The following LRRTM3 variants were observed in gnomAD, a reference collection of about 807,000 sequenced individuals.
LRRTM3 encodes the protein leucine-rich repeat transmembrane neuronal protein 3.
LRRTM3 carries 24 observed loss-of-function variants against 44.7 expected under a neutral mutation model. That is an observed-to-expected ratio of 0.54 (90% CI 0.39 to 0.76). The LOEUF (loss-of-function observed/expected upper bound fraction) is 0.76, where lower values mean the gene tolerates loss of function less well. Ranked by LOEUF, LRRTM3 falls within the 30% of genes least tolerant of loss-of-function variation. The pLI is 0.00. For synonymous variants in LRRTM3, 277 were observed against 278.7 expected (o/e 0.99, Z 0.06); for missense variants, 587 against 702.2 (o/e 0.84, Z 1.85).
At chr10:67,082,961 A>G (rs1026890487) in intron 2 of LRRTM3, among the ~76,000 whole-genome samples, 2 of 152,120 alleles carry the variant, frequency 1.3e-5, no homozygotes, top group African/African-American at 4.8e-5. Context: ...CATTAACTGG[A>G]TTGCTGAACC....
At chr10:67,082,766 T>C (rs1156732215) in intron 2 of LRRTM3, among the ~76,000 whole-genome samples, 1 of 152,164 alleles carries the variant, frequency 6.6e-6, no homozygotes, top group Non-Finnish European at 1.5e-5. Flanking sequence ...TTTCTGAATA[T>C]GAGTGTTAAA....
chr10:66,934,911 TAGTC>T (rs1285413640), intron 2 of LRRTM3, among the ~76,000 whole-genome samples: 5 of 152,228 alleles, frequency 3.3e-5, no homozygotes, highest in Admixed American at 6.5e-5. Context: ...TGTAAATCCT[TAGTC>T]AGCATTCTTG....
intron 2 of LRRTM3, among the ~76,000 whole-genome samples, chr10:67,077,445 A>G (rs1282882484): frequency 6.6e-6 from 1 of 151,788 alleles, no homozygotes; most frequent in East Asian, 1.9e-4. Context: ...CCACTCCCCC[A>G]TCCTGCCATA....
chr10:66,973,986 G>A (rs761266826), intron 2 of LRRTM3, among the ~76,000 whole-genome samples: 17 of 151,942 alleles, frequency 1.1e-4, no homozygotes, highest in Non-Finnish European at 1.8e-4. Flanking sequence ...TAAAGTATAC[G>A]GTTTAATAGG....
At chr10:67,077,687 T>C (rs1468455883) in intron 2 of LRRTM3, among the ~76,000 whole-genome samples, 1 of 152,184 alleles carries the variant, frequency 6.6e-6, no homozygotes, top group African/African-American at 2.4e-5. Flanking sequence ...TAATCTTATA[T>C]TTGTATAACT....
intron 2 of LRRTM3, among the ~76,000 whole-genome samples, chr10:66,971,198 C>T (rs1469324791): frequency 1.3e-5 from 2 of 152,042 alleles, no homozygotes; most frequent in African/African-American, 4.8e-5. Flanking sequence ...GAGACCGAGG[C>T]AGGCAGATCA....
intron 2 of LRRTM3, among the ~76,000 whole-genome samples, chr10:67,032,055 A>G (rs1853759112): frequency 6.6e-6 from 1 of 152,172 alleles, no homozygotes; most frequent in Non-Finnish European, 1.5e-5. Context: ...TTCCAGTAAA[A>G]TGAGGTAGGT....
chr10:66,976,318 C>A (rs1850028500), intron 2 of LRRTM3, among the ~76,000 whole-genome samples: 1 of 152,042 alleles, frequency 6.6e-6, no homozygotes, highest in Admixed American at 6.6e-5. Context: ...TCAGCTGAGA[C>A]CTGAAATTAA....
chr10:67,001,452 G>A (rs10997478), intron 2 of LRRTM3, among the ~76,000 whole-genome samples: 1 of 151,768 alleles, frequency 6.6e-6, no homozygotes, highest in Admixed American at 6.6e-5. Context: ...AGACAGGGGT[G>A]GGGGACAGAA....
chr10:66,987,725 T>C (rs1464388872), intron 2 of LRRTM3, among the ~76,000 whole-genome samples: 4 of 152,208 alleles, frequency 2.6e-5, no homozygotes, highest in Admixed American at 6.6e-5. Context: ...TAAGGTAAGA[T>C]GCTGGCAAAA....
chr10:67,066,845 T>C (rs1257589445), intron 2 of LRRTM3, among the ~76,000 whole-genome samples: 1 of 152,246 alleles, frequency 6.6e-6, no homozygotes, highest in Admixed American at 6.5e-5. Flanking sequence ...AGTGATGTTA[T>C]ATTAAAAATC....
intron 2 of LRRTM3, among the ~76,000 whole-genome samples, chr10:66,952,128 C>T (rs954089206): frequency 6.6e-5 from 10 of 152,148 alleles, no homozygotes; most frequent in Non-Finnish European, 1.3e-4. Flanking sequence ...AAGCATAAGA[C>T]AGGTGCAGAA....
chr10:67,042,600 G>A (rs1187167456), intron 2 of LRRTM3, among the ~76,000 whole-genome samples: 2 of 151,960 alleles, frequency 1.3e-5, no homozygotes, highest in African/African-American at 2.4e-5. Flanking sequence ...AGTACTGTCA[G>A]AAGCTAGGAG....
At chr10:66,940,535 G>A (rs946643889) in intron 2 of LRRTM3, among the ~76,000 whole-genome samples, 7 of 152,162 alleles carry the variant, frequency 4.6e-5, no homozygotes, top group Non-Finnish European at 7.3e-5. Context: ...AAGAAGTCCA[G>A]TGGTTAACTA....
intron 2 of LRRTM3, among the ~76,000 whole-genome samples, chr10:67,067,726 A>G (rs985739338): frequency 3.9e-5 from 6 of 152,234 alleles, no homozygotes; most frequent in African/African-American, 1.2e-4. Context: ...GACTAAGCTC[A>G]ATTATCCTAT....
At chr10:67,053,077 C>T (rs1388614245) in intron 2 of LRRTM3, among the ~76,000 whole-genome samples, 1 of 152,142 alleles carries the variant, frequency 6.6e-6, no homozygotes, top group Non-Finnish European at 1.5e-5. Flanking sequence ...ATACCATCCC[C>T]TAAAACATGA....
chr10:67,045,635 C>T (rs1854687600), intron 2 of LRRTM3, among the ~76,000 whole-genome samples: 1 of 152,206 alleles, frequency 6.6e-6, no homozygotes, highest in Admixed American at 6.5e-5. Context: ...CCCCGTTTCC[C>T]AGGACTAGGG....
chr10:67,023,670 T>C (rs543272772), intron 2 of LRRTM3, among the ~76,000 whole-genome samples: 14 of 152,252 alleles, frequency 9.2e-5, no homozygotes, highest in African/African-American at 2.4e-4. Flanking sequence ...TGGAGAAAAA[T>C]TGAGTCAATA....
At chr10:67,075,188 A>T (rs1856684009) in intron 2 of LRRTM3, among the ~76,000 whole-genome samples, 1 of 151,746 alleles carries the variant, frequency 6.6e-6, no homozygotes, top group Non-Finnish European at 1.5e-5. Flanking sequence ...ACACACACAC[A>T]CTCACACACT....
Sources: allele counts gnomAD v4.1 joint callset (sites outside exome capture counted in the v4.1 genomes callset), GRCh38; gene constraint gnomAD v4.1.1; transcripts MANE v1.5; gene names NCBI Gene and HGNC (gene_info 2026-07-23, HGNC 2026-07-21).